TTC39B: variants seen among roughly 807,000 people sequenced by gnomAD.
The protein encoded by TTC39B is tetratricopeptide repeat domain 39B.
TTC39B carries 92 observed loss-of-function variants against 96.6 expected under a neutral mutation model. The ratio of observed to expected loss-of-function variants is 0.95; its 90% CI spans 0.80 to 1.13. TTC39B has a LOEUF of 1.13. TTC39B is among the 50% of genes most tolerant of loss of function. The pLI is 0.00. For synonymous variants in TTC39B, 367 were observed against 299.4 expected (o/e 1.23, Z -2.33); for missense variants, 955 against 809.3 (o/e 1.18, Z -2.18).
chr9:15,275,519 A>T (rs1227021785), intron 1 of TTC39B, among the ~76,000 whole-genome samples: 27 of 152,230 alleles, frequency 1.8e-4, no homozygotes, highest in Admixed American at 1.8e-3. Context: ...TTTAGGAACT[A>T]CCAGCATCGA....
In TTC39B at chr9:15,215,225, T is replaced by C. The variant is rs189609568; in HGVS notation, c.372-976A>G. ...ATGATCACGCCACTGTACTCCAGCC[T>C]GAGCGATAGAGACTTTGTCTCAAAA... On this transcript the variant is annotated intron_variant, in intron 3 of 19. Coordinates refer to ENST00000512701, the Ensembl canonical transcript of TTC39B. 1.1e-3 allele frequency among the ~76,000 whole-genome samples: 170 copies of C among 152,282 alleles called. 1 individual carries two copies. The highest frequency in any genetic ancestry group is 3.9e-3 in the African/African-American group (162 of 41,566).
exon 20 of TTC39B, chr9:15,171,876 C>G (rs1377821943): frequency 4.1e-6 from 2 of 490,784 alleles, no homozygotes; most frequent in Non-Finnish European, 7.1e-6. Flanking sequence ...AACAGTAAAT[C>G]TCTCAGATGA....
intron 1 of TTC39B, among the ~76,000 whole-genome samples, chr9:15,296,676 A>G (rs10121558): frequency 0.4 from 61,004 of 152,010 alleles, 12,603 homozygotes; most frequent in African/African-American, 0.5. Context: ...TGTATTTTTA[A>G]TAGAGACTGG....
chr9:15,175,485 T>G (rs1164838396), intron 18 of TTC39B, among the ~76,000 whole-genome samples: 1 of 152,108 alleles, frequency 6.6e-6, no homozygotes, highest in Admixed American at 6.5e-5. Context: ...ATAAGAAAGT[T>G]GTATTATTTT....
At chr9:15,188,946 AT>A (rs145523926) in intron 13 of TTC39B, among the ~76,000 whole-genome samples, 1 of 152,326 alleles carries the variant, frequency 6.6e-6, no homozygotes, top group African/African-American at 2.4e-5. Flanking sequence ...TTTAATAGGT[AT>A]AGTATATCCA....
chr9:15,301,739 G>C (rs1490181915), intron 1 of TTC39B, among the ~76,000 whole-genome samples: 1 of 149,806 alleles, frequency 6.7e-6, no homozygotes, highest in African/African-American at 2.5e-5. Flanking sequence ...CTGGGCAACA[G>C]AGAGAGAGTC....
At chr9:15,266,431 A>G (rs1196608821) in intron 2 of TTC39B, among the ~76,000 whole-genome samples, 2 of 152,202 alleles carry the variant, frequency 1.3e-5, no homozygotes, top group Non-Finnish European at 2.9e-5. Flanking sequence ...GCTAAGAGAC[A>G]AAAGAAAATT....
intron 2 of TTC39B, among the ~76,000 whole-genome samples, chr9:15,234,020 AT>A (rs1821613768): frequency 8.4e-6 from 1 of 119,548 alleles, no homozygotes; most frequent in African/African-American, 4.2e-5. Flanking sequence ...CCCGTCTGGG[AT>A]GTGAGGAGCG....
intron 3 of TTC39B, among the ~76,000 whole-genome samples, chr9:15,222,117 T>C (rs1235312946): frequency 6.6e-6 from 1 of 152,160 alleles, no homozygotes; most frequent in Non-Finnish European, 1.5e-5. Context: ...AAGGGTTTCT[T>C]TTGTCGTAGT....
intron 2 of TTC39B, among the ~76,000 whole-genome samples, chr9:15,231,186 T>C (rs1387066237): frequency 6.6e-6 from 1 of 152,190 alleles, no homozygotes; most frequent in South Asian, 2.1e-4. Flanking sequence ...TTTTAATTTT[T>C]ATTTTTTGTA....
intron 6 of TTC39B, among the ~76,000 whole-genome samples, chr9:15,209,820 A>G (rs1405172592): frequency 1.3e-5 from 2 of 152,154 alleles, no homozygotes; most frequent in African/African-American, 4.8e-5. Flanking sequence ...GACAACACCT[A>G]TTATGTGATT....
chr9:15,167,408 T>C (rs1162712783), exon 20 of TTC39B: 1 of 151,690 alleles, frequency 6.6e-6, no homozygotes, highest in African/African-American at 2.4e-5. Context: ...GAAACATTAA[T>C]AACAAAGCAA....
At chr9:15,186,884 A>G (rs757141516) in intron 15 of TTC39B, 60 bp downstream of exon 15, 4 of 1,461,822 alleles carry the variant, frequency 2.7e-6, no homozygotes, top group Non-Finnish European at 2.9e-6. Flanking sequence ...TTCAGTAGAG[A>G]TGAGATTTTG....
chr9:15,288,771 C>T (rs539066972), intron 1 of TTC39B, among the ~76,000 whole-genome samples: 1 of 152,224 alleles, frequency 6.6e-6, no homozygotes, highest in African/African-American at 2.4e-5. Context: ...GTCACAGACA[C>T]CCACCCCTGG....
chr9:15,305,673 C>T (rs1381420315), intron 1 of TTC39B, among the ~76,000 whole-genome samples: 1 of 150,664 alleles, frequency 6.6e-6, no homozygotes, highest in East Asian at 1.9e-4. Context: ...ACCTAACTTC[C>T]CTCCTCATCG....
At chr9:15,204,486 G>A (rs924330645) in intron 6 of TTC39B, among the ~76,000 whole-genome samples, 3 of 151,130 alleles carry the variant, frequency 2.0e-5, no homozygotes, top group Non-Finnish European at 4.4e-5. Context: ...CCGAGATTGC[G>A]CCATTGCACT....
chr9:15,166,979 A>ATTTTTTTTT (rs1371714154), exon 20 of TTC39B: 1 of 33,392 alleles, frequency 3.0e-5, no homozygotes, highest in Admixed American at 4.5e-4. Context: ...ACAAACCTTT[A>ATTTTTTTTT]TTTTATATAT....
intron 3 of TTC39B, among the ~76,000 whole-genome samples, chr9:15,215,259 T>C (rs531335005): frequency 1.1e-3 from 174 of 151,528 alleles, no homozygotes; most frequent in Middle Eastern, 6.8e-3. Context: ...AAAAATAAAA[T>C]GAGGCTGGGT....
exon 20 of TTC39B, chr9:15,165,635 G>A (rs761311048): frequency 6.6e-6 from 1 of 152,168 alleles, no homozygotes; most frequent in Non-Finnish European, 1.5e-5. Context: ...GGAAGGCAAA[G>A]GGAAAGAAAG....
Sources: allele counts gnomAD v4.1 joint callset (sites outside exome capture counted in the v4.1 genomes callset), GRCh38; gene constraint gnomAD v4.1.1; transcripts MANE v1.5; gene names NCBI Gene and HGNC (gene_info 2026-07-23, HGNC 2026-07-21).